The following LRRFIP1 variants were observed in gnomAD, a reference collection of about 807,000 sequenced individuals.
LRRFIP1 encodes LRR binding FLII interacting protein 1.
In LRRFIP1, 62 loss-of-function variants were observed where a neutral mutation model predicts 104.4. That is an observed-to-expected ratio of 0.59 (90% CI 0.48 to 0.73). The LOEUF (loss-of-function observed/expected upper bound fraction) is 0.73, where lower values mean the gene tolerates loss of function less well. LRRFIP1 is among the 30% of genes least tolerant of loss of function. LRRFIP1 has a pLI of 0.00. For synonymous variants in LRRFIP1, 300 were observed against 299.0 expected, an observed-to-expected ratio of 1.00 and a Z score of -0.03; for missense variants, 796 against 824.5, an observed-to-expected ratio of 0.97 and a Z score of 0.42.
chr2:237,727,975 G>T, intron 8 of LRRFIP1, 40 bp downstream of exon 8: 2 of 1,459,950 alleles, frequency 1.4e-6, no homozygotes. Flanking sequence ...ATTCAAATAG[G>T]TTGTTTCAAA....
At chr2:237,748,767 AT>A (rs1185848474) in intron 12 of LRRFIP1, among the ~76,000 whole-genome samples, 12 of 152,154 alleles carry the variant, frequency 7.9e-5, no homozygotes, top group Admixed American at 1.3e-4. Context: ...GTGATGTTAG[AT>A]TTATATGCAG....
intron 23 of LRRFIP1, among the ~76,000 whole-genome samples, chr2:237,774,968 A>G (rs1357219001): frequency 6.6e-6 from 1 of 152,252 alleles, no homozygotes; most frequent in Non-Finnish European, 1.5e-5. Flanking sequence ...CAATTAAAAC[A>G]CATACTTTAC....
chr2:237,639,279 C>T (rs1386908029), intron 1 of LRRFIP1, among the ~76,000 whole-genome samples: 3 of 152,178 alleles, frequency 2.0e-5, no homozygotes, highest in Admixed American at 6.5e-5. Context: ...GGGACACAGA[C>T]GGCCCTTGGG....
rs557840859 is a variant in LRRFIP1 at position 237,692,424 on chromosome 2, C to A, written c.97-16120C>A. On this transcript the variant is annotated intron_variant, in intron 1 of 23. Transcript: ENST00000308482. ...CTCCCGGCGCGGTCCCCGAGCATTT[C>A]CCGCCGGGTGGAGCGGGCCGAGCCC... 505 of 1,488,092 alleles carry A rather than the reference C, an allele frequency of 3.4e-4. 6 individuals are homozygous for A. The South Asian group carries it at 6.0e-3, about 18-fold the overall frequency. 92.2% of individuals were successfully genotyped at this position (1,488,092 alleles called of 1,614,324 possible). A position where few individuals can be genotyped will look rare whatever the true frequency, so the allele number is the denominator to read the frequency against.
chr2:237,762,764 T>C (rs763039196), intron 19 of LRRFIP1: 1 of 1,614,122 alleles, frequency 6.2e-7, no homozygotes, highest in South Asian at 1.1e-5. Flanking sequence ...GGACCAGAAA[T>C]CCTCTGAAGA....
chr2:237,772,438 C>T, intron 21 of LRRFIP1: 1 of 485,672 alleles, frequency 2.1e-6, no homozygotes, highest in Non-Finnish European at 3.7e-6. Context: ...ACATGTTGTG[C>T]CGATGGAAAC....
chr2:237,650,845 A>T (rs1193184994), intron 1 of LRRFIP1, among the ~76,000 whole-genome samples: 1 of 152,194 alleles, frequency 6.6e-6, no homozygotes, highest in Non-Finnish European at 1.5e-5. Context: ...TGCATGACCA[A>T]AGTGGATGTT....
At chr2:237,645,184 C>T (rs1316577103) in intron 1 of LRRFIP1, among the ~76,000 whole-genome samples, 2 of 152,224 alleles carry the variant, frequency 1.3e-5, no homozygotes, top group Admixed American at 1.3e-4. Context: ...GAGAGATACT[C>T]AGAGGCTATG....
At chr2:237,767,748 A>T (rs1431545931) in intron 19 of LRRFIP1, among the ~76,000 whole-genome samples, 1 of 152,152 alleles carries the variant, frequency 6.6e-6, no homozygotes, top group Non-Finnish European at 1.5e-5. Flanking sequence ...TTTTCTATTC[A>T]TAGACTCCCT....
Position 237,743,781 on chromosome 2 carries a change from TC to T in LRRFIP1, c.633+4473del, listed in dbSNP as rs374167462. Among the ~76,000 whole-genome samples, 6 of 152,116 alleles carry T rather than the reference TC, an allele frequency of 3.9e-5. No homozygotes were observed. The East Asian group carries it at 9.7e-4, about 25-fold the overall frequency. On this transcript the variant is annotated intron_variant, in intron 11 of 23. Transcript: ENST00000308482. ...GGGTGTGAGGGGAGGCAAAGGTGCC[TC>T]GAGAGAGCTGGGATCCAGAGGTTTG...
At chr2:237,769,711 T>C (rs986527099) in intron 19 of LRRFIP1, 2 of 509,254 alleles carry the variant, frequency 3.9e-6, no homozygotes, top group African/African-American at 3.8e-5. Flanking sequence ...CCTGTTTGCA[T>C]GCAGCCGGAT....
intron 8 of LRRFIP1, among the ~76,000 whole-genome samples, chr2:237,733,526 G>T (rs116048906): frequency 0.015 from 2,347 of 152,294 alleles, 61 homozygotes; most frequent in African/African-American, 0.053. Flanking sequence ...AAATGATCGT[G>T]TTTTAAAGAT....
chr2:237,706,525 C>T (rs1007310228), intron 1 of LRRFIP1, among the ~76,000 whole-genome samples: 4 of 152,192 alleles, frequency 2.6e-5, no homozygotes, highest in Admixed American at 6.5e-5. Flanking sequence ...CTGCACTTGG[C>T]GTGGCCTTGG....
At chr2:237,630,396 G>A (rs1270310736) in intron 1 of LRRFIP1, among the ~76,000 whole-genome samples, 1 of 152,198 alleles carries the variant, frequency 6.6e-6, no homozygotes, top group African/African-American at 2.4e-5. Flanking sequence ...GGAGACTGGA[G>A]AGTCAGGGAG....
In LRRFIP1 at chr2:237,699,641, C is replaced by A. The variant is rs563570101; in HGVS notation, c.97-8903C>A. Among the ~76,000 whole-genome samples, 4 of 152,294 alleles carry A rather than the reference C, an allele frequency of 2.6e-5. No homozygotes were observed. In the South Asian group the frequency reaches 8.3e-4, roughly 32 times the overall value. On this transcript the variant is annotated intron_variant, in intron 1 of 23. Transcript: ENST00000308482. ...TGCTGGGATTACAGGCGTGAGCCAC[C>A]GCACCCGGCCAAAACAGTGGTTTTT...
At chr2:237,699,218 A>G in intron 1 of LRRFIP1, among the ~76,000 whole-genome samples, 1 of 152,114 alleles carries the variant, frequency 6.6e-6, no homozygotes, top group Admixed American at 6.5e-5. Flanking sequence ...TCTTCCTTCA[A>G]TTTCCATGTC....
At chr2:237,695,373 T>G (rs2093107071) in intron 1 of LRRFIP1, among the ~76,000 whole-genome samples, 1 of 152,232 alleles carries the variant, frequency 6.6e-6, no homozygotes, top group Admixed American at 6.5e-5. Flanking sequence ...GAACGGTGTT[T>G]CAGCGAAGTT....
chr2:237,769,539 C>T (rs778640523), intron 19 of LRRFIP1: 10 of 191,492 alleles, frequency 5.2e-5, no homozygotes, highest in Middle Eastern at 2.4e-3. Flanking sequence ...GATGTAAACT[C>T]GGAAAGGCGA....
At chr2:237,722,826 G>C (rs543717362) in intron 6 of LRRFIP1, among the ~76,000 whole-genome samples, 55 of 152,306 alleles carry the variant, frequency 3.6e-4, no homozygotes, top group Admixed American at 9.8e-4. Flanking sequence ...CAGGGCCCTG[G>C]TGGGCTGTGT....
Sources: allele counts gnomAD v4.1 joint callset (sites outside exome capture counted in the v4.1 genomes callset), GRCh38; gene constraint gnomAD v4.1.1; transcripts MANE v1.5; gene names NCBI Gene and HGNC (gene_info 2026-07-23, HGNC 2026-07-21).